The following MEF2A variants were observed in gnomAD, a reference collection of about 807,000 sequenced individuals.
The protein encoded by MEF2A is myocyte enhancer factor 2A, also known as myocyte-specific enhancer factor 2A.
In MEF2A, 28 loss-of-function variants were observed where a neutral mutation model predicts 55.8. The observed-to-expected ratio is 0.50, with a 90% CI of 0.37 to 0.69. The LOEUF (loss-of-function observed/expected upper bound fraction) is 0.69. Ranked by LOEUF, MEF2A falls within the 30% of genes least tolerant of loss-of-function variation. The pLI is 0.00. For missense variants in MEF2A, 528 were observed against 626.2 expected, an observed-to-expected ratio of 0.84 and a Z score of 1.67; for synonymous variants, 239 against 227.1, an observed-to-expected ratio of 1.05 and a Z score of -0.47.
At chr15:99,639,799 T>C (rs1459592261) in intron 3 of MEF2A, among the ~76,000 whole-genome samples, 1 of 152,170 alleles carries the variant, frequency 6.6e-6, no homozygotes, top group East Asian at 1.9e-4. Context: ...TATTTTATTC[T>C]TTTTTCTGGT....
chr15:99,613,486 A>T (rs978655329), intron 2 of MEF2A, among the ~76,000 whole-genome samples: 3 of 152,210 alleles, frequency 2.0e-5, no homozygotes, highest in African/African-American at 4.8e-5. Flanking sequence ...CCCTGTGGGT[A>T]ATCTAGCAAT....
At chr15:99,682,316 T>C (rs2053394131) in intron 7 of MEF2A, among the ~76,000 whole-genome samples, 1 of 152,222 alleles carries the variant, frequency 6.6e-6, no homozygotes, top group Admixed American at 6.5e-5. Context: ...TGCGGTTTGC[T>C]CAAGAGCATT....
chr15:99,705,176 CTG>C (rs1468098524), intron 9 of MEF2A, among the ~76,000 whole-genome samples: 4 of 152,332 alleles, frequency 2.6e-5, no homozygotes, highest in East Asian at 3.9e-4. Flanking sequence ...GCACTAAAGA[CTG>C]TACTGTTAAG....
intron 1 of MEF2A, among the ~76,000 whole-genome samples, chr15:99,567,626 A>AAT (rs1567124507): frequency 4.9e-5 from 6 of 122,014 alleles, no homozygotes; most frequent in African/African-American, 1.6e-4. Context: ...TTTTGTATGT[A>AAT]CTGTGTGTGT....
At chr15:99,578,638 C>T (rs375358996) in intron 1 of MEF2A, among the ~76,000 whole-genome samples, 2 of 152,294 alleles carry the variant, frequency 1.3e-5, no homozygotes, top group African/African-American at 2.4e-5. Flanking sequence ...CTAAGAAATA[C>T]GTGTGTATAC....
At chr15:99,598,148 C>T (rs970189704) in intron 1 of MEF2A, among the ~76,000 whole-genome samples, 1 of 152,056 alleles carries the variant, frequency 6.6e-6, no homozygotes, top group African/African-American at 2.4e-5. Context: ...AAAATGGGAC[C>T]TAGGAAACCA....
intron 1 of MEF2A, among the ~76,000 whole-genome samples, chr15:99,584,190 G>A (rs995395498): frequency 6.6e-6 from 1 of 152,176 alleles, no homozygotes; most frequent in Admixed American, 6.5e-5. Context: ...CGTCATTTAT[G>A]TGGTTCATTA....
At chr15:99,568,952 A>C (rs938017675) in intron 1 of MEF2A, among the ~76,000 whole-genome samples, 8 of 152,210 alleles carry the variant, frequency 5.3e-5, no homozygotes, top group Admixed American at 1.3e-4. Context: ...TAAGAAAGAA[A>C]ATCTGTGGAT....
intron 9 of MEF2A, among the ~76,000 whole-genome samples, chr15:99,704,549 A>G (rs949627697): frequency 6.6e-6 from 1 of 152,220 alleles, no homozygotes; most frequent in African/African-American, 2.4e-5. Context: ...ATCTAGCACT[A>G]TACTGCCCTC....
At chr15:99,633,291 A>C (rs1457689650) in intron 3 of MEF2A, 118 bp downstream of exon 3, 18 of 626,266 alleles carry the variant, frequency 2.9e-5, no homozygotes, top group Non-Finnish European at 4.6e-5. Context: ...TTTTAGTTAC[A>C]GACTAAATGA....
At position 99,612,467 on chromosome 15, in the gene MEF2A, G is replaced by A. The variant is rs180926519; in HGVS notation, c.-143+13956G>A. Among the ~76,000 whole-genome samples, 163 of 151,882 alleles carry A rather than the reference G, an allele frequency of 1.1e-3. 1 individual carries two copies. The highest frequency in any genetic ancestry group is 3.8e-3 in the African/African-American group (156 of 41,390). On this transcript the variant is annotated intron_variant, in intron 2 of 11. Transcript: ENST00000557942. ...TTCACTTTTAAAAGGTGAGTTTTGC[G>A]GTATATGAATACCATTCACATACCA...
chr15:99,567,342 C>G (rs1007119199), intron 1 of MEF2A, among the ~76,000 whole-genome samples: 2 of 152,118 alleles, frequency 1.3e-5, no homozygotes, highest in African/African-American at 4.8e-5. Flanking sequence ...TGTCTTGTAT[C>G]ATCTATTACT....
intron 8 of MEF2A, among the ~76,000 whole-genome samples, chr15:99,698,759 TCCAGCC>T: frequency 6.6e-6 from 1 of 151,066 alleles, no homozygotes; most frequent in East Asian, 1.9e-4. Flanking sequence ...ACCATTGCAC[TCCAGCC>T]TGGGCAACAA....
At chr15:99,661,217 C>G (rs1372664175) in intron 4 of MEF2A, among the ~76,000 whole-genome samples, 1 of 152,094 alleles carries the variant, frequency 6.6e-6, no homozygotes, top group Non-Finnish European at 1.5e-5. Flanking sequence ...TACAAAATTA[C>G]CTCCAGGATG....
intron 2 of MEF2A, among the ~76,000 whole-genome samples, chr15:99,601,761 A>G (rs1230638594): frequency 6.6e-6 from 1 of 151,620 alleles, no homozygotes; most frequent in African/African-American, 2.4e-5. Flanking sequence ...ACTCTTTTAA[A>G]AAGTCTACAT....
intron 2 of MEF2A, among the ~76,000 whole-genome samples, chr15:99,624,814 ATTTG>A (rs1489151355): frequency 2.0e-5 from 3 of 151,974 alleles, no homozygotes; most frequent in Non-Finnish European, 4.4e-5. Context: ...ACATCTTTCC[ATTTG>A]TTTATGTCTT....
At chr15:99,585,293 T>A (rs1429879373) in intron 1 of MEF2A, among the ~76,000 whole-genome samples, 6 of 152,216 alleles carry the variant, frequency 3.9e-5, no homozygotes, top group Non-Finnish European at 5.9e-5. Context: ...TATTCAAGTT[T>A]GTGTCATTTT....
At chr15:99,685,347 G>A (rs1164213036) in intron 7 of MEF2A, among the ~76,000 whole-genome samples, 1 of 151,914 alleles carries the variant, frequency 6.6e-6, no homozygotes, top group Non-Finnish European at 1.5e-5. Context: ...GTTTCCATTT[G>A]TTTGTGTCAT....
intron 1 of MEF2A, among the ~76,000 whole-genome samples, chr15:99,588,037 GTATGA>G (rs1967945379): frequency 6.6e-6 from 1 of 152,146 alleles, no homozygotes; most frequent in Non-Finnish European, 1.5e-5. Context: ...TTACCATTAA[GTATGA>G]TCTTAGCTGT....
Sources: allele counts gnomAD v4.1 joint callset (sites outside exome capture counted in the v4.1 genomes callset), GRCh38; gene constraint gnomAD v4.1.1; transcripts MANE v1.5; gene names NCBI Gene and HGNC (gene_info 2026-07-23, HGNC 2026-07-21).